AGBL4: variants seen among roughly 807,000 people sequenced by gnomAD.
AGBL4 encodes AGBL carboxypeptidase 4, also known as cytosolic carboxypeptidase 6.
A neutral mutation model predicts 66.4 loss-of-function variants in AGBL4; 58 were observed. The observed-to-expected ratio is 0.87, with a 90% confidence interval of 0.71 to 1.09. AGBL4 has a LOEUF of 1.09. Among genes scored for constraint, AGBL4 ranks in the 50% least tolerant of loss-of-function variants. AGBL4 has a pLI of 0.00. For synonymous variants in AGBL4, 234 were observed against 222.9 expected (o/e 1.05, Z -0.44); for missense variants, 579 against 631.0 (o/e 0.92, Z 0.88).
At chr1:49,845,662 T>C (rs1273728523) in intron 2 of AGBL4, 11 of 1,607,168 alleles carry the variant, frequency 6.8e-6, no homozygotes, top group Middle Eastern at 1.6e-4. Flanking sequence ...AGAAAAGCCC[T>C]GTGAGTGCAG....
intron 6 of AGBL4, among the ~76,000 whole-genome samples, chr1:48,677,561 G>A (rs1312926708): frequency 4.6e-5 from 7 of 152,146 alleles, no homozygotes; most frequent in Admixed American, 2.0e-4. Context: ...CTTGCAGAAC[G>A]GCTGGCACTC....
chr1:49,948,166 A>G (rs1411528802), intron 1 of AGBL4, among the ~76,000 whole-genome samples: 3 of 102,128 alleles, frequency 2.9e-5, no homozygotes, highest in East Asian at 2.8e-4. Flanking sequence ...ACGTAAATAT[A>G]TAAATATATA....
At chr1:48,576,099 G>A (rs887757959) in intron 11 of AGBL4, among the ~76,000 whole-genome samples, 1 of 152,170 alleles carries the variant, frequency 6.6e-6, no homozygotes, top group Admixed American at 6.5e-5. Context: ...GCCATGGATT[G>A]GTACTGTGGC....
intron 3 of AGBL4, among the ~76,000 whole-genome samples, chr1:49,617,883 C>T (rs1490175402): frequency 1.3e-5 from 2 of 152,158 alleles, no homozygotes; most frequent in Non-Finnish European, 2.9e-5. Context: ...ACTTTAAGCT[C>T]TGGAATACAT....
intron 3 of AGBL4, among the ~76,000 whole-genome samples, chr1:49,438,054 T>C (rs535384761): frequency 1.4e-4 from 21 of 152,168 alleles, no homozygotes; most frequent in Admixed American, 2.6e-4. Flanking sequence ...CCACATCATA[T>C]CTTTTAATCT....
intron 3 of AGBL4, among the ~76,000 whole-genome samples, chr1:49,513,790 G>A (rs1004398484): frequency 6.6e-5 from 10 of 151,794 alleles, no homozygotes; most frequent in Non-Finnish European, 1.2e-4. Flanking sequence ...TTCTTGCTGC[G>A]CTGGGTCAAC....
At chr1:48,573,160 C>G (rs779558811) in intron 11 of AGBL4, among the ~76,000 whole-genome samples, 5 of 152,190 alleles carry the variant, frequency 3.3e-5, no homozygotes, top group Admixed American at 2.0e-4. Context: ...CTCCCCAGCC[C>G]CCTCCTGCTC....
chr1:49,010,683 T>C (rs1450605273), intron 5 of AGBL4, among the ~76,000 whole-genome samples: 1 of 145,448 alleles, frequency 6.9e-6, no homozygotes, highest in African/African-American at 2.6e-5. Context: ...AAAACAGAGA[T>C]ATAGATCAAT....
At chr1:49,359,290 G>A (rs998480478) in intron 3 of AGBL4, among the ~76,000 whole-genome samples, 1 of 152,164 alleles carries the variant, frequency 6.6e-6, no homozygotes, top group Non-Finnish European at 1.5e-5. Context: ...ATAAATAGCA[G>A]CTCAGACACT....
chr1:49,982,364 T>C (rs1557638315), intron 1 of AGBL4, among the ~76,000 whole-genome samples: 1 of 152,206 alleles, frequency 6.6e-6, no homozygotes, highest in East Asian at 1.9e-4. Flanking sequence ...GCTGGGTATG[T>C]GCATGCTCAG....
chr1:49,138,209 G>A (rs1417557306), intron 4 of AGBL4, among the ~76,000 whole-genome samples: 1 of 152,086 alleles, frequency 6.6e-6, no homozygotes, highest in Non-Finnish European at 1.5e-5. Context: ...CCTGCCAGGT[G>A]AGTAAACAAC....
chr1:48,698,694 A>G (rs886703581), intron 6 of AGBL4, among the ~76,000 whole-genome samples: 1 of 152,234 alleles, frequency 6.6e-6, no homozygotes, highest in Non-Finnish European at 1.5e-5. Flanking sequence ...GAAACTGAGC[A>G]GTGTCTCCTG....
chr1:49,045,986 C>T (rs974749991), intron 4 of AGBL4, among the ~76,000 whole-genome samples, 186 bp from the exon 5 acceptor site: 2 of 152,194 alleles, frequency 1.3e-5, no homozygotes, highest in South Asian at 2.1e-4. Context: ...GCTCTTTGCT[C>T]ACAATCCAGT....
chr1:49,708,645 G>T (rs1029112002), intron 2 of AGBL4, among the ~76,000 whole-genome samples: 2 of 151,994 alleles, frequency 1.3e-5, no homozygotes, highest in Non-Finnish European at 2.9e-5. Flanking sequence ...TCAGTTTTTT[G>T]AATTTTCAGC....
At chr1:48,987,504 T>C (rs1660272451) in intron 5 of AGBL4, among the ~76,000 whole-genome samples, 1 of 152,018 alleles carries the variant, frequency 6.6e-6, no homozygotes. Context: ...ATACCAGAGC[T>C]TGAAGATACA....
intron 3 of AGBL4, among the ~76,000 whole-genome samples, chr1:49,443,633 T>G (rs1646087733): frequency 2.0e-5 from 3 of 151,954 alleles, no homozygotes; most frequent in Admixed American, 6.6e-5. Context: ...GTGCCTATTT[T>G]TATACTAATA....
At chr1:49,953,312 A>G (rs1007558077) in intron 1 of AGBL4, among the ~76,000 whole-genome samples, 7 of 151,972 alleles carry the variant, frequency 4.6e-5, no homozygotes, top group Admixed American at 2.0e-4. Flanking sequence ...AAACAGTTCA[A>G]GAGATCCCTG....
At chr1:49,973,745 C>G (rs1658336420) in intron 1 of AGBL4, among the ~76,000 whole-genome samples, 1 of 149,072 alleles carries the variant, frequency 6.7e-6, no homozygotes, top group South Asian at 2.1e-4. Flanking sequence ...ATGATCTATA[C>G]AATCATTTAC....
chr1:48,742,774 A>C, intron 6 of AGBL4: 1 of 1,565,564 alleles, frequency 6.4e-7, no homozygotes, highest in Non-Finnish European at 8.7e-7. Flanking sequence ...GGCGGGACCT[A>C]GGCAGTTAAG....
Sources: allele counts gnomAD v4.1 joint callset (sites outside exome capture counted in the v4.1 genomes callset), GRCh38; gene constraint gnomAD v4.1.1; transcripts MANE v1.5; gene names NCBI Gene and HGNC (gene_info 2026-07-23, HGNC 2026-07-21).